Variants in ABLIM3 observed in about 807,000 individuals in gnomAD.
ABLIM3 encodes actin binding LIM protein family member 3, also known as actin-binding LIM protein 3.
ABLIM3 carries 61 observed loss-of-function variants against 109.5 expected under a neutral mutation model. The ratio of observed to expected loss-of-function variants is 0.56; its 90% CI spans 0.45 to 0.69. ABLIM3 has a LOEUF of 0.69. ABLIM3 is among the 30% of genes least tolerant of loss of function. ABLIM3 has a pLI of 0.00. For synonymous variants in ABLIM3, 300 were observed against 324.8 expected (o/e 0.92, Z 0.82); for missense variants, 796 against 889.5 (o/e 0.89, Z 1.34).
chr5:149,237,627 T>C (rs780139117), intron 11 of ABLIM3, 24 bp downstream of exon 11: 5 of 1,613,080 alleles, frequency 3.1e-6, no homozygotes, highest in Middle Eastern at 3.6e-4. Flanking sequence ...CCCTTCTCTC[T>C]GGGGCTATTG....
At chr5:149,168,675 T>G (rs1755060904) in intron 2 of ABLIM3, among the ~76,000 whole-genome samples, 6 of 152,268 alleles carry the variant, frequency 3.9e-5, no homozygotes, top group Admixed American at 3.9e-4. Flanking sequence ...CAGTTGACTT[T>G]TTTAAACATT....
intron 5 of ABLIM3, among the ~76,000 whole-genome samples, chr5:149,206,543 T>C (rs545981790): frequency 2.0e-5 from 3 of 152,314 alleles, no homozygotes; most frequent in East Asian, 3.9e-4. Context: ...TGAAAAACTG[T>C]ATACTTAGCC....
At chr5:149,210,987 G>C (rs918397974) in intron 7 of ABLIM3, among the ~76,000 whole-genome samples, 168 bp downstream of exon 7, 2 of 151,910 alleles carry the variant, frequency 1.3e-5, no homozygotes, top group Non-Finnish European at 1.5e-5. Context: ...TGAGATCTCT[G>C]GGAAACCCCA....
At chr5:149,247,619 G>T in intron 17 of ABLIM3, 163 bp from the exon 18 acceptor site, 1 of 934,126 alleles carries the variant, frequency 1.1e-6, no homozygotes, top group Non-Finnish European at 1.7e-6. Flanking sequence ...AGATGAGATT[G>T]CAACAGGAAA....
chr5:149,192,402 T>A (rs376530823), intron 3 of ABLIM3, among the ~76,000 whole-genome samples: 1 of 152,060 alleles, frequency 6.6e-6, no homozygotes, highest in East Asian at 1.9e-4. Flanking sequence ...GGGCAAAGAA[T>A]CAAAACTTTA....
In ABLIM3 at chr5:149,141,659, G is replaced by T. The variant is rs1286447219; in HGVS notation, c.-88+5G>T. On this transcript the variant is annotated splice_donor_5th_base_variant and intron_variant, in intron 1 of 23. Coordinates refer to ENST00000309868, the MANE Select transcript of ABLIM3 (RefSeq NM_014945.5). ...GCTCCCGACACTGGCCGAGAGGTGG[G>T]TTCCGGGGCGGGTCGCTGCTCCTTG... is the stretch of plus-strand genomic sequence containing the variant. 1 of 180,800 alleles carries T rather than the reference G, an allele frequency of 5.5e-6. No homozygotes were observed. Among genetic ancestry groups the T allele is most frequent in the Non-Finnish European group, 1.2e-5 (1 of 86,526 alleles). 11.2% of individuals were successfully genotyped at this position (180,800 alleles called of 1,614,324 possible).
intron 3 of ABLIM3, among the ~76,000 whole-genome samples, chr5:149,195,166 G>C (rs1290224570): frequency 6.6e-6 from 1 of 152,126 alleles, no homozygotes; most frequent in African/African-American, 2.4e-5. Context: ...TTACAAATGA[G>C]CTCCAGAGAG....
At chr5:149,205,228 G>T (rs1306689985) in intron 5 of ABLIM3, among the ~76,000 whole-genome samples, 2 of 152,184 alleles carry the variant, frequency 1.3e-5, no homozygotes, top group Non-Finnish European at 2.9e-5. Flanking sequence ...ATATAAAGAA[G>T]ACAGTCATGA....
chr5:149,180,888 G>C (rs1341518095), intron 2 of ABLIM3, among the ~76,000 whole-genome samples: 3 of 152,160 alleles, frequency 2.0e-5, no homozygotes, highest in African/African-American at 7.2e-5. Context: ...TTCAAAGACT[G>C]AGTTCTGTTG....
intron 15 of ABLIM3, among the ~76,000 whole-genome samples, chr5:149,242,864 A>C (rs900560258): frequency 6.6e-6 from 1 of 152,188 alleles, no homozygotes; most frequent in Non-Finnish European, 1.5e-5. Flanking sequence ...CCAAGGCATT[A>C]ATACTTGAAA....
chr5:149,160,894 G>A (rs193030273), intron 2 of ABLIM3, among the ~76,000 whole-genome samples: 204 of 152,248 alleles, frequency 1.3e-3, no homozygotes, highest in African/African-American at 4.6e-3. Context: ...CTCATCCCAG[G>A]CCCAGCAGTG....
At chr5:149,158,908 C>T (rs1754078981) in intron 2 of ABLIM3, among the ~76,000 whole-genome samples, 2 of 152,122 alleles carry the variant, frequency 1.3e-5, no homozygotes, top group Non-Finnish European at 2.9e-5. Context: ...TTACAGCCTC[C>T]CAAATGGCTA....
chr5:149,259,445 AG>A lies in ABLIM3; in HGVS notation c.*1043del. ...AGAAAATAGGCCGTGTCTCAAAGAAAGGTTCTTGGTCTATGCCTCTGGTCTG... is the reference window on the plus strand; with the variant it reads ...AGAAAATAGGCCGTGTCTCAAAGAAAGTTCTTGGTCTATGCCTCTGGTCTG... On this transcript the variant is annotated 3_prime_UTR_variant, in exon 24 of 24. Coordinates refer to ENST00000309868, the MANE Select transcript of ABLIM3 (RefSeq NM_014945.5). 1 of 1,525,128 alleles carries A rather than the reference AG, an allele frequency of 6.6e-7. No individual in the cohort carries two copies. Among genetic ancestry groups the A allele is most frequent in the African/African-American group, 1.4e-5 (1 of 72,828 alleles). The allele number at this position is 1,525,128 out of a possible 1,614,324, so 94.5% of individuals were successfully genotyped here.
Position 149,250,284 on chromosome 5 carries a change from C to T in ABLIM3, c.1730-163C>T, listed in dbSNP as rs78267131. 3.3e-3 allele frequency among the ~76,000 whole-genome samples: 503 copies of T among 152,266 alleles called. 3 individuals are homozygous for T. Among genetic ancestry groups the T allele is most frequent in the African/African-American group, 0.012 (483 of 41,546 alleles). ...AGAGTGAAATGCCCCCAGAGATGGT[C>T]AAGTTGCAAATCTGGAGAGCATCAG... On this transcript the variant is annotated intron_variant, in intron 19 of 23. Transcript: ENST00000309868.
intron 8 of ABLIM3, among the ~76,000 whole-genome samples, 179 bp from the exon 9 acceptor site, chr5:149,230,470 G>T (rs532696917): frequency 1.3e-5 from 2 of 152,270 alleles, no homozygotes; most frequent in African/African-American, 4.8e-5. Flanking sequence ...ACAGAAAAAG[G>T]ATGTGAGCGG....
chr5:149,247,052 A>T (rs531184587), intron 17 of ABLIM3, among the ~76,000 whole-genome samples: 1 of 152,398 alleles, frequency 6.6e-6, no homozygotes, highest in Non-Finnish European at 1.5e-5. Flanking sequence ...AATAATCCAA[A>T]TGTCCATCAG....
chr5:149,238,645 G>A (rs1414913802), intron 11 of ABLIM3, among the ~76,000 whole-genome samples: 1 of 152,242 alleles, frequency 6.6e-6, no homozygotes, highest in Non-Finnish European at 1.5e-5. Context: ...TTTCATGTAA[G>A]AATCTGCACT....
At chr5:149,237,322 C>A (rs1023141934) in intron 10 of ABLIM3, 126 bp from the exon 11 acceptor site, 8 of 998,834 alleles carry the variant, frequency 8.0e-6, no homozygotes, top group African/African-American at 6.5e-5. Flanking sequence ...TCAATTTGAT[C>A]CTAATCTGTT....
rs1055216618 is a variant in ABLIM3 at position 149,198,617 on chromosome 5, C to T, written c.335+215C>T. Among the ~76,000 whole-genome samples, 3 of 152,224 alleles carry T rather than the reference C, an allele frequency of 2.0e-5. No homozygotes were observed. The highest frequency in any genetic ancestry group is 4.4e-5 in the Non-Finnish European group (3 of 68,036). ...ATAAAATACAATCTGATCTAAAACA[C>T]TGGTTTGTCCTGTGATAGAGGCAGA... On this transcript the variant is annotated intron_variant, in intron 4 of 23. Coordinates refer to ENST00000309868, the MANE Select transcript of ABLIM3 (RefSeq NM_014945.5). The surrounding 1 kb of genome is among the most constrained non-coding windows in gnomAD (Gnocchi z 4.2).
Sources: gnomAD v4.1 joint callset for allele counts (sites outside exome capture counted in the v4.1 genomes callset) on GRCh38, gnomAD v4.1.1 for gene constraint, Gnocchi (gnomAD v3.1) non-coding constraint, MANE v1.5 for transcripts, NCBI Gene and HGNC (gene_info 2026-07-23, HGNC 2026-07-21) for gene names.